Variants in PPP6R3 observed in about 807,000 individuals in gnomAD.
PPP6R3 encodes protein phosphatase 6 regulatory subunit 3.
Under a neutral mutation model 110.7 loss-of-function variants are expected in PPP6R3, and 38 were observed. The ratio of observed to expected loss-of-function variants is 0.34; its 90% confidence interval spans 0.26 to 0.45. The LOEUF (loss-of-function observed/expected upper bound fraction) is 0.45, where lower values mean the gene tolerates loss of function less well. Among genes scored for constraint, PPP6R3 ranks in the 20% least tolerant of loss-of-function variants. PPP6R3 has a pLI of 1.00. For missense variants in PPP6R3, 870 were observed against 1,062.4 expected, an observed-to-expected ratio of 0.82 and a Z score of 2.52; for synonymous variants, 369 against 373.5, an observed-to-expected ratio of 0.99 and a Z score of 0.14.
Position 68,615,254 on chromosome 11 carries a change from TTA to T in PPP6R3, c.*2139_*2140del, listed in dbSNP as rs1945057258. ...ATTTCTGTGTGTTGGCCATACTGAA[TTA>T]TGAGACTAACAGATGTCTACAATAC... On this transcript the variant is annotated 3_prime_UTR_variant, in exon 24 of 24. Transcript: ENST00000393800. The T allele has an allele frequency of 6.0e-5, 22 of 367,714 alleles. 1 individual carries two copies. The highest frequency in any genetic ancestry group is 4.5e-4 in the South Asian group (22 of 48,936). The allele number at this position is 367,714 out of a possible 1,614,324, so 22.8% of individuals were successfully genotyped here. A position where few individuals can be genotyped will look rare whatever the true frequency, so the allele number is the denominator to read the frequency against.
chr11:68,508,121 C>CTTTTTTTTTTTTTTTTTTTTTT (rs748376581), intron 1 of PPP6R3, among the ~76,000 whole-genome samples: 4 of 77,610 alleles, frequency 5.2e-5, no homozygotes, highest in African/African-American at 1.8e-4. Flanking sequence ...GTTTTTTGGC[C>CTTTTTTTTTTTTTTTTTTTTTT]TTTTTTTTTT....
chr11:68,612,819 C>G (rs1566239718), intron 23 of PPP6R3: 1 of 655,694 alleles, frequency 1.5e-6, no homozygotes, highest in Non-Finnish European at 2.4e-6. Context: ...GCGGTTCTCC[C>G]AGAGCATTTG....
intron 1 of PPP6R3, among the ~76,000 whole-genome samples, chr11:68,509,160 T>G (rs187710581): frequency 3.3e-5 from 5 of 152,300 alleles, no homozygotes; most frequent in African/African-American, 1.2e-4. Context: ...AAATAGAAAT[T>G]AAATACTTGG....
intron 1 of PPP6R3, among the ~76,000 whole-genome samples, chr11:68,469,068 G>T (rs553972460): frequency 2.0e-5 from 3 of 152,166 alleles, no homozygotes; most frequent in South Asian, 4.1e-4. Flanking sequence ...TCTATTGAGG[G>T]TTTGCAGATT....
intron 1 of PPP6R3, among the ~76,000 whole-genome samples, chr11:68,479,687 G>T (rs1228244799): frequency 4.0e-5 from 6 of 151,702 alleles, no homozygotes; most frequent in African/African-American, 1.4e-4. Context: ...ATTTCACTAA[G>T]AATTATTTAT....
At chr11:68,493,609 A>C (rs1004586794) in intron 1 of PPP6R3, among the ~76,000 whole-genome samples, 10 of 110,178 alleles carry the variant, frequency 9.1e-5, no homozygotes, top group Non-Finnish European at 1.2e-4. Context: ...AAAAAAAAAA[A>C]CAAAACCATA....
At chr11:68,562,183 G>A (rs1355802747) in intron 8 of PPP6R3, among the ~76,000 whole-genome samples, 5 of 152,100 alleles carry the variant, frequency 3.3e-5, no homozygotes, top group African/African-American at 7.2e-5. Flanking sequence ...AAATTTTTTC[G>A]AAGTATTATT....
chr11:68,598,172 A>G (rs975402801), intron 19 of PPP6R3, among the ~76,000 whole-genome samples: 1 of 152,116 alleles, frequency 6.6e-6, no homozygotes, highest in Admixed American at 6.6e-5. Flanking sequence ...ATATAAATGG[A>G]ATCATACAGT....
At chr11:68,550,049 T>A (rs1159002578) in intron 5 of PPP6R3, among the ~76,000 whole-genome samples, 1 of 152,138 alleles carries the variant, frequency 6.6e-6, no homozygotes, top group Non-Finnish European at 1.5e-5. Context: ...TTCGGGACAT[T>A]ATTACTCAAA....
chr11:68,568,527 A>G (rs1293696078), intron 10 of PPP6R3, among the ~76,000 whole-genome samples: 1 of 152,132 alleles, frequency 6.6e-6, no homozygotes, highest in Non-Finnish European at 1.5e-5. Flanking sequence ...CCCTTTTGTA[A>G]TGCTATTACC....
intron 2 of PPP6R3, among the ~76,000 whole-genome samples, chr11:68,528,591 C>T (rs1279629546): frequency 6.6e-6 from 1 of 152,178 alleles, no homozygotes; most frequent in Non-Finnish European, 1.5e-5. Context: ...TTCCATGTTT[C>T]TGCCCCTTCT....
Position 68,478,647 on chromosome 11 carries a change from GTTTTTTTTTTT to G in PPP6R3, c.-158+17835_-158+17845del, listed in dbSNP as rs769296530. Among the ~76,000 whole-genome samples, 16 of 50,514 alleles carry G rather than the reference GTTTTTTTTTTT, an allele frequency of 3.2e-4. 1 individual carries two copies. The highest frequency in any genetic ancestry group is 1.0e-3 in the South Asian group (1 of 984). 33.1% of individuals were successfully genotyped at this position (50,514 alleles called of 152,430 possible). On this transcript the variant is annotated intron_variant, in intron 1 of 23. Transcript: ENST00000393800. Reference sequence around the variant, plus strand: ...ACTGATGAGTTAGTGCACTTGGTAAGTTTTTTTTTTTTTTTTTTTTTTTTTGAGAAGATGGA... The same window carrying G: ...ACTGATGAGTTAGTGCACTTGGTAAGTTTTTTTTTTTTTTGAGAAGATGGA...
chr11:68,550,443 C>T (rs887377147), intron 5 of PPP6R3, among the ~76,000 whole-genome samples: 2 of 152,082 alleles, frequency 1.3e-5, no homozygotes, highest in Admixed American at 1.3e-4. Context: ...GTGTTTTGGG[C>T]TTCTTATGGC....
intron 1 of PPP6R3, among the ~76,000 whole-genome samples, chr11:68,472,774 GACA>G (rs2098801424): frequency 6.6e-6 from 1 of 152,030 alleles, no homozygotes; most frequent in Non-Finnish European, 1.5e-5. Flanking sequence ...CCCCCTCAAC[GACA>G]ACAAAACCAC....
chr11:68,525,452 T>C (rs539479219), intron 2 of PPP6R3, among the ~76,000 whole-genome samples: 1 of 152,198 alleles, frequency 6.6e-6, no homozygotes, highest in South Asian at 2.1e-4. Flanking sequence ...AGTCTATGAA[T>C]CTACTTTAAT....
At chr11:68,494,890 A>G (rs1057250344) in intron 1 of PPP6R3, among the ~76,000 whole-genome samples, 1 of 152,190 alleles carries the variant, frequency 6.6e-6, no homozygotes, top group East Asian at 1.9e-4. Flanking sequence ...TACAATATAC[A>G]GTTAATTTCT....
intron 6 of PPP6R3, 46 bp downstream of exon 6, chr11:68,551,232 A>G (rs1033674789): frequency 2.1e-6 from 3 of 1,399,906 alleles, no homozygotes; most frequent in Non-Finnish European, 3.0e-6. Flanking sequence ...AAAAAAAAAC[A>G]AAAAACTGTT....
chr11:68,609,131 C>CT (rs1555209071), intron 22 of PPP6R3, among the ~76,000 whole-genome samples: 1 of 152,188 alleles, frequency 6.6e-6, no homozygotes, highest in Non-Finnish European at 1.5e-5. Context: ...TAGGCAGAGT[C>CT]TAAATTTCTA....
At chr11:68,553,103 G>A (rs779414244) in intron 6 of PPP6R3, among the ~76,000 whole-genome samples, 13 of 152,124 alleles carry the variant, frequency 8.5e-5, no homozygotes, top group Admixed American at 5.2e-4. Context: ...CTCTCTTCTA[G>A]AATATGAGTG....
Sources: allele counts gnomAD v4.1 joint callset (sites outside exome capture counted in the v4.1 genomes callset), GRCh38; gene constraint gnomAD v4.1.1; transcripts MANE v1.5; gene names NCBI Gene and HGNC (gene_info 2026-07-23, HGNC 2026-07-21).